Variants in ATP13A4 observed in about 807,000 individuals in gnomAD.
ATP13A4 encodes the protein probable cation-transporting ATPase 13A4.
A neutral mutation model predicts 142.5 loss-of-function variants in ATP13A4; 114 were observed. The ratio of observed to expected loss-of-function variants is 0.80; its 90% CI spans 0.69 to 0.93. The LOEUF is 0.93. ATP13A4 is among the 40% of genes least tolerant of loss of function. ATP13A4 has a pLI of 0.00. For missense variants in ATP13A4, 1,392 were observed against 1,454.0 expected (o/e 0.96, Z 0.69); for synonymous variants, 488 against 514.8 (o/e 0.95, Z 0.70).
chr3:193,492,489 C>A lies in ATP13A4; in HGVS notation c.533+428G>T, dbSNP rs916563890. 6.6e-5 allele frequency among the ~76,000 whole-genome samples: 10 copies of A among 152,116 alleles called. 1 individual carries two copies. In the South Asian group the frequency reaches 1.4e-3, roughly 22 times the overall value. On this transcript the variant is annotated intron_variant, in intron 5 of 29. Coordinates refer to ENST00000342695, the MANE Select transcript of ATP13A4 (RefSeq NM_032279.4). ...CTGCTCCATGGTTATTATTTAACTGCGTTATCATGGTCTAATATGTATTTC... is the reference window on the plus strand; with the variant it reads ...CTGCTCCATGGTTATTATTTAACTGAGTTATCATGGTCTAATATGTATTTC...
At chr3:193,484,934 G>A (rs558198511) in intron 7 of ATP13A4, among the ~76,000 whole-genome samples, 5 of 152,154 alleles carry the variant, frequency 3.3e-5, no homozygotes, top group African/African-American at 1.2e-4. Flanking sequence ...AATCAATCAG[G>A]AGAAATCTCC....
chr3:193,555,092 G>T, upstream of ATP13A4: 1 of 533,042 alleles, frequency 1.9e-6, no homozygotes, highest in African/African-American at 1.9e-5. Flanking sequence ...ATCTTTTTGT[G>T]CCCAACTTAC....
In ATP13A4 at chr3:193,462,790, A is replaced by G. The variant is rs1467014402; in HGVS notation, c.1495T>C (p.Trp499Arg). The G allele has an allele frequency of 1.1e-5, 17 of 1,614,026 alleles. No homozygotes were observed. The highest frequency in any genetic ancestry group is 1.4e-5 in the Non-Finnish European group (16 of 1,179,902). Residue 499 changes from tryptophan (W) to arginine (R), a missense_variant, in exon 13 of 30, where the codon TGG becomes CGG. By Grantham distance (101) the Trp-to-Arg change is moderately radical. Coordinates refer to ENST00000342695, the MANE Select transcript of ATP13A4 (RefSeq NM_032279.4). Reference sequence around the variant, plus strand: ...TTCCTATCACAGGACACGACTCCCCAGAGGTCCAAGCCGTCCCTTGTTAAG... The same window carrying G: ...TTCCTATCACAGGACACGACTCCCCGGAGGTCCAAGCCGTCCCTTGTTAAG... ...GTLTRDGLDL[W>R]GVVSCDRNGF... is the part of the protein sequence containing the mutation.
intron 9 of ATP13A4, among the ~76,000 whole-genome samples, chr3:193,469,786 C>A (rs1173252915): frequency 6.6e-6 from 1 of 152,248 alleles, no homozygotes; most frequent in South Asian, 2.1e-4. Flanking sequence ...TTCTGAGGAA[C>A]AAGTTTCTAA....
Position 193,448,829 on chromosome 3 carries a change from C to A in ATP13A4, c.2028-499G>T, listed in dbSNP as rs145630502. Among the ~76,000 whole-genome samples the A allele has an allele frequency of 2.0e-5, 3 of 152,258 alleles. No homozygotes were observed. In the East Asian group the frequency reaches 5.8e-4, roughly 29 times the overall value. On this transcript the variant is annotated intron_variant, in intron 17 of 29. Transcript: ENST00000342695. The stretch of plus-strand genomic sequence containing the variant: ...TGAAGAGGAAGAGGAAGAGAGTGTT[C>A]ATTAAGCAAAAGCTTTGCTTTAACC...
chr3:193,471,870 G>A (rs1246489078), intron 8 of ATP13A4, among the ~76,000 whole-genome samples: 4 of 152,144 alleles, frequency 2.6e-5, no homozygotes, highest in Non-Finnish European at 4.4e-5. Context: ...ATTCCTGCAG[G>A]GGGCTGGGTG....
chr3:193,445,824 C>T (rs1012692053), intron 18 of ATP13A4, among the ~76,000 whole-genome samples: 11 of 151,812 alleles, frequency 7.2e-5, no homozygotes, highest in African/African-American at 1.7e-4. Context: ...ACCCCACACA[C>T]GATTTAAGAA....
intron 26 of ATP13A4, among the ~76,000 whole-genome samples, chr3:193,412,683 G>T (rs1424583992): frequency 6.6e-6 from 1 of 152,082 alleles, no homozygotes; most frequent in Non-Finnish European, 1.5e-5. Flanking sequence ...CATTCATTAA[G>T]GCTATATGGG....
chr3:193,432,174 G>C (rs1194395257), intron 25 of ATP13A4, among the ~76,000 whole-genome samples: 1 of 152,046 alleles, frequency 6.6e-6, no homozygotes, highest in African/African-American at 2.4e-5. Flanking sequence ...AAATCCTTGA[G>C]AAGGTTGGAG....
chr3:193,491,434 T>C, intron 5 of ATP13A4, 36 bp from the exon 6 acceptor site: 1 of 1,447,050 alleles, frequency 6.9e-7, no homozygotes, highest in Non-Finnish European at 9.7e-7. Context: ...CTGTCACAAA[T>C]AATAAAATTA....
intron 16 of ATP13A4, among the ~76,000 whole-genome samples, chr3:193,456,570 C>G (rs1717625316): frequency 6.6e-6 from 1 of 152,066 alleles, no homozygotes; most frequent in Non-Finnish European, 1.5e-5. Context: ...ATGAGAGCAA[C>G]TAAAATAATC....
At chr3:193,527,181 T>A (rs1410696953) in intron 1 of ATP13A4, among the ~76,000 whole-genome samples, 1 of 152,196 alleles carries the variant, frequency 6.6e-6, no homozygotes, top group Admixed American at 6.5e-5. Flanking sequence ...GTGGTTTGGC[T>A]CTGTGTCTCC....
chr3:193,552,264 G>T (rs971900515), intron 1 of ATP13A4, among the ~76,000 whole-genome samples: 1 of 152,134 alleles, frequency 6.6e-6, no homozygotes, highest in African/African-American at 2.4e-5. Flanking sequence ...GAGCCACCAT[G>T]CCCAGCCTGT....
In ATP13A4 at chr3:193,491,316, C is replaced by T. The variant is rs764043906; in HGVS notation, c.603+13G>A. ...TTCTGTCCAACACCAAGAGAAAATG[C>T]TGGAGAAATTACCTCCTTGATGAGC... On this transcript the variant is annotated intron_variant, in intron 6 of 29. Coordinates refer to ENST00000342695, the MANE Select transcript of ATP13A4 (RefSeq NM_032279.4). The T allele has an allele frequency of 3.6e-5, 56 of 1,576,114 alleles. 1 individual carries two copies. The East Asian group carries it at 9.2e-4, about 26-fold the overall frequency.
intron 8 of ATP13A4, among the ~76,000 whole-genome samples, chr3:193,483,588 C>G (rs1719424657): frequency 6.6e-6 from 1 of 152,078 alleles, no homozygotes; most frequent in Admixed American, 6.6e-5. Flanking sequence ...CCTCAGCCTC[C>G]TGAATAGCTG....
chr3:193,412,610 T>TGAGAGAGA (rs372985489), intron 26 of ATP13A4, among the ~76,000 whole-genome samples: 1 of 137,298 alleles, frequency 7.3e-6, no homozygotes, highest in Non-Finnish European at 1.6e-5. Context: ...TTGGATACAT[T>TGAGAGAGA]GAGAGAGAGA....
intron 9 of ATP13A4, 61 bp downstream of exon 9, chr3:193,470,798 A>G: frequency 3.7e-6 from 6 of 1,611,734 alleles, no homozygotes; most frequent in Non-Finnish European, 4.2e-6. Flanking sequence ...CGTAGGGACC[A>G]TAGCAGCGTG....
chr3:193,410,831 AT>A (rs1714729729), intron 28 of ATP13A4, 150 bp downstream of exon 28: 1 of 610,530 alleles, frequency 1.6e-6, no homozygotes, highest in Non-Finnish European at 2.9e-6. Context: ...TAAATAAAAA[AT>A]ATAGATAAAT....
intron 13 of ATP13A4, among the ~76,000 whole-genome samples, chr3:193,459,673 A>G (rs1695419126): frequency 6.6e-6 from 1 of 152,150 alleles, no homozygotes; most frequent in Admixed American, 6.6e-5. Flanking sequence ...TCCCAACCTC[A>G]GCTAACCCAC....
Sources: allele counts gnomAD v4.1 joint callset (sites outside exome capture counted in the v4.1 genomes callset), GRCh38; gene constraint gnomAD v4.1.1; transcripts MANE v1.5; gene names NCBI Gene and HGNC (gene_info 2026-07-23, HGNC 2026-07-21).